Variants in PTGES3 observed in about 807,000 individuals in gnomAD.
PTGES3 encodes prostaglandin E synthase 3.
Under a neutral mutation model 29.9 loss-of-function variants are expected in PTGES3, and 5 were observed. The ratio of observed to expected loss-of-function variants is 0.17; its 90% CI spans 0.09 to 0.35. The LOEUF is 0.35. PTGES3 is among the 10% of genes least tolerant of loss of function. The pLI, the probability that PTGES3 is intolerant of heterozygous loss-of-function variation, is 1.00. For synonymous variants in PTGES3, 49 were observed against 57.8 expected, an observed-to-expected ratio of 0.85 and a Z score of 0.69; for missense variants, 128 against 190.0, an observed-to-expected ratio of 0.67 and a Z score of 1.92.
At chr12:56,677,529 T>C (rs1370026956) in intron 1 of PTGES3, among the ~76,000 whole-genome samples, 1 of 152,152 alleles carries the variant, frequency 6.6e-6, no homozygotes, top group African/African-American at 2.4e-5. Flanking sequence ...TTTACATTAT[T>C]GGAAAGAAAA....
Position 56,664,594 on chromosome 12 carries a change from T to C in PTGES3, c.464-96A>G, listed in dbSNP as rs1346807447. The C allele has an allele frequency of 2.4e-5, 34 of 1,421,658 alleles. No individual in the cohort carries two copies. The East Asian group carries it at 3.1e-4, about 13-fold the overall frequency. 88.1% of individuals were successfully genotyped at this position (1,421,658 alleles called of 1,614,324 possible). ...AAAAGCAACCAAAAATCGAAATACA[T>C]AGTTGCCCAATGAATTAATAGGTTG... On this transcript the variant is annotated intron_variant, in intron 7 of 7. Coordinates refer to ENST00000262033, the MANE Select transcript of PTGES3 (RefSeq NM_006601.7).
At position 56,688,222 on chromosome 12, in the gene PTGES3, T is replaced by G. The variant is rs564149058; in HGVS notation, c.-223A>C. On this transcript the variant is annotated 5_prime_UTR_variant, in exon 1 of 8. Transcript: ENST00000262033. The stretch of plus-strand genomic sequence containing the variant: ...CCTCCGGTCGGGGAGAAGAGGAAAG[T>G]GTAGGAAAAGGGGCGCGAGGACGGA... The G allele has an allele frequency of 6.4e-6, 5 of 779,666 alleles. No individual in the cohort carries two copies. The highest frequency in any genetic ancestry group is 9.2e-6 in the Non-Finnish European group (5 of 543,376). 48.3% of individuals were successfully genotyped at this position (779,666 alleles called of 1,614,324 possible). A position where few individuals can be genotyped will look rare whatever the true frequency, so the allele number is the denominator to read the frequency against.
chr12:56,665,873 G>C, intron 6 of PTGES3: 2 of 909,330 alleles, frequency 2.2e-6, no homozygotes, highest in Non-Finnish European at 2.6e-6. Flanking sequence ...CACGTACTCT[G>C]CCCACCTGGC....
At position 56,673,252 on chromosome 12, in the gene PTGES3, G is replaced by C. The variant is rs148139680; in HGVS notation, c.3-187C>G. Among the ~76,000 whole-genome samples the C allele has an allele frequency of 1.9e-4, 29 of 152,236 alleles. 1 individual carries two copies. The highest frequency in any genetic ancestry group is 1.7e-4 in the African/African-American group (7 of 41,566). The stretch of plus-strand genomic sequence containing the variant: ...ATGGGTCTAACAAGATTTAGTTTCA[G>C]AATGATTCCAATTTCATAATAGGAA... On this transcript the variant is annotated intron_variant, in intron 1 of 7. Coordinates refer to ENST00000262033, the MANE Select transcript of PTGES3 (RefSeq NM_006601.7).
intron 1 of PTGES3, among the ~76,000 whole-genome samples, chr12:56,686,328 G>A (rs12368334): frequency 7.2e-5 from 11 of 151,980 alleles, no homozygotes; most frequent in Non-Finnish European, 1.2e-4. Flanking sequence ...CATTACTTAG[G>A]AGAGCTTTCA....
rs753262813 is a variant in PTGES3 at position 56,687,980 on chromosome 12, G to A, written c.2+18C>T. 13 of 1,600,548 alleles carry A rather than the reference G, an allele frequency of 8.1e-6. No individual in the cohort carries two copies. Among genetic ancestry groups the A allele is most frequent in the Non-Finnish European group, 1.1e-5 (13 of 1,174,564 alleles). ...GGCCTCACTCGGCGACCTTCCCTCG[G>A]CGGGGTGTCGCACTCACATTGTGAA... On this transcript the variant is annotated intron_variant, in intron 1 of 7. Coordinates refer to ENST00000262033, the MANE Select transcript of PTGES3 (RefSeq NM_006601.7).
At chr12:56,665,958 T>C in intron 6 of PTGES3, 1 of 1,212,654 alleles carries the variant, frequency 8.2e-7, no homozygotes, top group Non-Finnish European at 1.0e-6. Flanking sequence ...TATTAATATA[T>C]AATGTCTCTA....
intron 1 of PTGES3, among the ~76,000 whole-genome samples, chr12:56,673,522 G>A (rs1256250436): frequency 1.1e-4 from 16 of 143,598 alleles, no homozygotes; most frequent in African/African-American, 2.6e-4. Context: ...AGCAGGGTAC[G>A]GTGGCTCACG....
rs1211365215 is a variant in PTGES3 at position 56,663,432 on chromosome 12, T to A, written c.*1047A>T. On this transcript the variant is annotated 3_prime_UTR_variant, in exon 8 of 8. Transcript: ENST00000262033. Reference sequence around the variant, plus strand: ...CAACTGCTGCAAAGTGCATCTACAATATGCTATTACAGATCCACTTTTAAA... The same window carrying A: ...CAACTGCTGCAAAGTGCATCTACAAAATGCTATTACAGATCCACTTTTAAA... 6 of 152,336 alleles carry A rather than the reference T, an allele frequency of 3.9e-5. No individual in the cohort carries two copies. The highest frequency in any genetic ancestry group is 1.4e-4 in the African/African-American group (6 of 41,586). The allele number at this position is 152,336 out of a possible 1,614,324, so 9.4% of individuals were successfully genotyped here.
intron 1 of PTGES3, chr12:56,687,397 G>A: frequency 1.0e-6 from 1 of 987,592 alleles, no homozygotes; most frequent in Non-Finnish European, 1.2e-6. Context: ...ACTGGAGTTA[G>A]GAGGCGGACT....
rs1395185690 is a variant in PTGES3 at position 56,666,227 on chromosome 12, G to A, written c.415C>T (p.Pro139Ser). Reference protein sequence around the residue: ...NMGGDEDVDLPEVDGADDDSQ... With the variant: ...NMGGDEDVDLSEVDGADDDSQ... ...ACATCATCTGCTCCATCTACTTCTG[G>A]TAAATCTACATCCTCATCACCACCC... The change falls in exon 6 of 8, where the codon CCA becomes TCA. Residue 139 changes from proline (P) to serine (S), a missense_variant. Transcript: ENST00000262033. The A allele has an allele frequency of 3.1e-6, 5 of 1,610,952 alleles. No homozygotes were observed. The highest frequency in any genetic ancestry group is 3.4e-6 in the Non-Finnish European group (4 of 1,178,464).
intron 1 of PTGES3, 94 bp downstream of exon 1, chr12:56,687,904 G>C: frequency 3.1e-6 from 5 of 1,597,066 alleles, no homozygotes; most frequent in South Asian, 1.1e-5. Context: ...TGCCACCACC[G>C]ATGCGAGAAA....
intron 1 of PTGES3, chr12:56,687,346 G>A: frequency 1.0e-6 from 1 of 988,430 alleles, no homozygotes; most frequent in Non-Finnish European, 1.2e-6. Context: ...TCGCTGCCAG[G>A]GAAGCGGCTG....
At position 56,687,979 on chromosome 12, in the gene PTGES3, G is replaced by C; in HGVS notation, c.2+19C>G. ...CGGCCTCACTCGGCGACCTTCCCTCGGCGGGGTGTCGCACTCACATTGTGA... is the reference window on the plus strand; with the variant it reads ...CGGCCTCACTCGGCGACCTTCCCTCCGCGGGGTGTCGCACTCACATTGTGA... On this transcript the variant is annotated intron_variant, in intron 1 of 7. Coordinates refer to ENST00000262033, the MANE Select transcript of PTGES3 (RefSeq NM_006601.7). 1 of 1,601,058 alleles carries C rather than the reference G, an allele frequency of 6.2e-7. No homozygotes were observed. Among genetic ancestry groups the C allele is most frequent in the Non-Finnish European group, 8.5e-7 (1 of 1,174,784 alleles).
intron 1 of PTGES3, 82 bp from the exon 2 acceptor site, chr12:56,673,147 CATT>C: frequency 1.2e-6 from 1 of 865,762 alleles, no homozygotes; most frequent in Non-Finnish European, 1.8e-6. Context: ...ACCATTATAG[CATT>C]ATTTCAGGGC....
In PTGES3 at chr12:56,688,194, G is replaced by A. The variant is rs945100662; in HGVS notation, c.-195C>T. 2.3e-5 allele frequency: 23 copies of A among 1,001,066 alleles called. No homozygotes were observed. The highest frequency in any genetic ancestry group is 3.4e-4 in the Middle Eastern group (1 of 2,924). The allele number at this position is 1,001,066 out of a possible 1,614,324, so 62.0% of individuals were successfully genotyped here. A position where few individuals can be genotyped will look rare whatever the true frequency, so the allele number is the denominator to read the frequency against. Reference sequence around the variant, plus strand: ...CAGAATGCACCGCGCGGAAAGAGCGGCTCCTCCGGTCGGGGAGAAGAGGAA... The same window carrying A: ...CAGAATGCACCGCGCGGAAAGAGCGACTCCTCCGGTCGGGGAGAAGAGGAA... On this transcript the variant is annotated 5_prime_UTR_variant, in exon 1 of 8. Transcript: ENST00000262033.
In PTGES3 at chr12:56,688,020, G is replaced by A. The variant is rs751557601; in HGVS notation, c.-21C>T. 4 of 1,530,736 alleles carry A rather than the reference G, an allele frequency of 2.6e-6. No individual in the cohort carries two copies. Among genetic ancestry groups the A allele is most frequent in the African/African-American group, 1.4e-5 (1 of 69,880 alleles). The allele number at this position is 1,530,736 out of a possible 1,614,324, so 94.8% of individuals were successfully genotyped here. The stretch of plus-strand genomic sequence containing the variant: ...CACATTGTGAACGGGGCAGGGGGAC[G>A]GGCGAACTGGTGGGCGGGCCTCTCT... On this transcript the variant is annotated 5_prime_UTR_variant, in exon 1 of 8. Transcript: ENST00000262033.
Position 56,688,280 on chromosome 12 carries a change from G to C in PTGES3, c.-281C>G. ...CGTGCGTGCGTGCAAACGAGGGGTG[G>C]TGAGGCCGGGCGGCGGCTGGTGACG... On this transcript the variant is annotated 5_prime_UTR_variant, in exon 1 of 8. Transcript: ENST00000262033. The C allele has an allele frequency of 2.1e-6, 1 of 484,828 alleles. No homozygotes were observed. Among genetic ancestry groups the C allele is most frequent in the Non-Finnish European group, 3.4e-6 (1 of 292,218 alleles). 30.0% of individuals were successfully genotyped at this position (484,828 alleles called of 1,614,324 possible).
At chr12:56,668,422 AAAAC>A (rs1246060448) in intron 5 of PTGES3, among the ~76,000 whole-genome samples, 2 of 152,106 alleles carry the variant, frequency 1.3e-5, no homozygotes, top group African/African-American at 4.8e-5. Flanking sequence ...ATAGCAAAAT[AAAAC>A]AAAAAACAAA....
Sources: gnomAD v4.1 joint callset for allele counts (sites outside exome capture counted in the v4.1 genomes callset) on GRCh38, gnomAD v4.1.1 for gene constraint, MANE v1.5 for transcripts, NCBI Gene and HGNC (gene_info 2026-07-23, HGNC 2026-07-21) for gene names.